Variants in FBXO42 observed in about 807,000 individuals in gnomAD.
The protein encoded by FBXO42 is F-box only protein 42.
A neutral mutation model predicts 71.7 loss-of-function variants in FBXO42; 12 were observed. The observed-to-expected ratio is 0.17, with a 90% CI of 0.11 to 0.27. The LOEUF is 0.27. FBXO42 is among the 10% of genes least tolerant of loss of function. The probability of loss-of-function intolerance (pLI) is 1.00; values close to 1 mark genes in which losing one functional copy is unlikely to be tolerated. For synonymous variants in FBXO42, 325 were observed against 327.5 expected (o/e 0.99, Z 0.08); for missense variants, 707 against 911.9 (o/e 0.78, Z 2.89).
chr1:16,312,633 C>G (rs544232893), intron 2 of FBXO42, among the ~76,000 whole-genome samples: 1 of 152,112 alleles, frequency 6.6e-6, no homozygotes, highest in South Asian at 2.1e-4. Context: ...ATGCACAACA[C>G]CAAGCATGAA....
Position 16,256,624 on chromosome 1 carries a change from TA to T in FBXO42, c.637del (p.Tyr213ThrfsTer12). ...PERFFDEIHTYSPSKNWWNCI... is the reference protein window; with the variant it reads ...PERFFDEIHTXSPSKNWWNCI... ...GACTTACCAATTTTTAGAGGGTGAG[TA>T]AGTGTGTATTTCATCAAAGAATCTC... On this transcript the variant is annotated frameshift_variant, in exon 5 of 10. Transcript: ENST00000375592. LOFTEE classifies it high-confidence loss of function. 6.2e-7 allele frequency: 1 copy of T among 1,614,018 alleles called. No homozygotes were observed. Among genetic ancestry groups the T allele is most frequent in the Non-Finnish European group, 8.5e-7 (1 of 1,179,934 alleles).
chr1:16,257,230 G>A (rs1380994308), intron 4 of FBXO42, among the ~76,000 whole-genome samples: 1 of 152,166 alleles, frequency 6.6e-6, no homozygotes, highest in African/African-American at 2.4e-5. Flanking sequence ...ATGTCTGGAT[G>A]CAACTTAAAA....
intron 2 of FBXO42, among the ~76,000 whole-genome samples, chr1:16,307,367 G>C (rs948430512): frequency 6.6e-6 from 1 of 152,110 alleles, no homozygotes; most frequent in Non-Finnish European, 1.5e-5. Flanking sequence ...CAGGCATGGT[G>C]GTCTGCACTT....
intron 1 of FBXO42, among the ~76,000 whole-genome samples, chr1:16,318,828 C>T (rs1023497597): frequency 3.3e-5 from 5 of 152,008 alleles, no homozygotes; most frequent in East Asian, 1.9e-4. Flanking sequence ...GGAGCAAAGA[C>T]GGCCACTCAG....
intron 4 of FBXO42, among the ~76,000 whole-genome samples, chr1:16,283,645 C>T (rs1206510209): frequency 6.6e-6 from 1 of 151,902 alleles, no homozygotes; most frequent in Non-Finnish European, 1.5e-5. Flanking sequence ...TACAGGCACC[C>T]ACCACCATGC....
rs55983316 is a variant in FBXO42 at position 16,335,063 on chromosome 1, C to CAAAAAA, written c.-18+17186_-18+17191dup. ...GCAACACAGCAAAACCTCGTCTGTA[C>CAAAAAA]AAAAAAAAAAAAAAAAAAAAAAAAA... On this transcript the variant is annotated intron_variant, in intron 1 of 9. Transcript: ENST00000375592. Among the ~76,000 whole-genome samples the CAAAAAA allele has an allele frequency of 9.1e-3, 629 of 69,016 alleles. 68 individuals are homozygous for CAAAAAA. Among genetic ancestry groups the CAAAAAA allele is most frequent in the Non-Finnish European group, 0.013 (511 of 39,264 alleles). The allele number at this position is 69,016 out of a possible 152,430, so 45.3% of individuals were successfully genotyped here.
chr1:16,267,734 T>C (rs2081794338), intron 4 of FBXO42, among the ~76,000 whole-genome samples: 1 of 152,174 alleles, frequency 6.6e-6, no homozygotes, highest in Admixed American at 6.6e-5. Context: ...TAGACAAAAC[T>C]TGTCTGGATC....
chr1:16,285,109 G>A (rs2100510957), intron 4 of FBXO42, among the ~76,000 whole-genome samples: 1 of 151,856 alleles, frequency 6.6e-6, no homozygotes, highest in Admixed American at 6.6e-5. Context: ...TCGCACCCCT[G>A]TACTCCAGCC....
At chr1:16,315,074 T>C (rs2082350814) in intron 2 of FBXO42, 95 bp downstream of exon 2, 3 of 1,340,360 alleles carry the variant, frequency 2.2e-6, no homozygotes, top group Middle Eastern at 2.5e-4. Context: ...ATAACCATAA[T>C]ACATTTAAGG....
chr1:16,259,772 A>C (rs1183877325), intron 4 of FBXO42, among the ~76,000 whole-genome samples: 3 of 151,840 alleles, frequency 2.0e-5, no homozygotes, highest in African/African-American at 4.8e-5. Flanking sequence ...TCTCAAAAAA[A>C]AAAAAAAAGA....
intron 1 of FBXO42, among the ~76,000 whole-genome samples, chr1:16,343,967 C>G (rs1173152666): frequency 2.1e-5 from 3 of 142,560 alleles, no homozygotes; most frequent in Non-Finnish European, 4.5e-5. Flanking sequence ...AAAAAAAAAA[C>G]AACAACAAAA....
chr1:16,273,096 G>A (rs2081862915), intron 4 of FBXO42, among the ~76,000 whole-genome samples: 1 of 152,086 alleles, frequency 6.6e-6, no homozygotes, highest in African/African-American at 2.4e-5. Context: ...ACTGAGTACT[G>A]TATTGTATGT....
At chr1:16,335,936 T>C (rs2082548543) in intron 1 of FBXO42, among the ~76,000 whole-genome samples, 2 of 151,996 alleles carry the variant, frequency 1.3e-5, no homozygotes, top group Admixed American at 6.6e-5. Context: ...TTTTTAAATT[T>C]TGTTTTGTTT....
At position 16,250,341 on chromosome 1, in the gene FBXO42, A is replaced by G. The variant is rs7536390; in HGVS notation, c.*329T>C. The G allele has an allele frequency of 0.35, 54,021 of 152,638 alleles. 10,077 individuals are homozygous for G. The highest frequency in any genetic ancestry group is 0.42 in the African/African-American group (17,530 of 41,402). The allele number at this position is 152,638 out of a possible 1,614,324, so 9.5% of individuals were successfully genotyped here. A position where few individuals can be genotyped will look rare whatever the true frequency, so the allele number is the denominator to read the frequency against. On this transcript the variant is annotated 3_prime_UTR_variant, in exon 10 of 10. Transcript: ENST00000375592. The surrounding 1 kb of genome is among the most constrained non-coding windows in gnomAD (Gnocchi z 4.7). Reference sequence around the variant, plus strand: ...TTTGGGAAGTTACTGATGTTAGTCTATTCTCTAACTTCTTGGTCTAGTTAC... The same window carrying G: ...TTTGGGAAGTTACTGATGTTAGTCTGTTCTCTAACTTCTTGGTCTAGTTAC...
chr1:16,254,114 A>G (rs1166695341), intron 6 of FBXO42, among the ~76,000 whole-genome samples: 1 of 152,108 alleles, frequency 6.6e-6, no homozygotes, highest in Non-Finnish European at 1.5e-5. Context: ...TTCTTCCCCT[A>G]CTTTCCCTAG....
intron 1 of FBXO42, among the ~76,000 whole-genome samples, chr1:16,329,538 C>G (rs1336229318): frequency 2.7e-5 from 4 of 150,018 alleles, no homozygotes; most frequent in African/African-American, 9.8e-5. Context: ...GAGCCAAGAT[C>G]GCACCACTGC....
chr1:16,309,016 T>A, intron 2 of FBXO42, among the ~76,000 whole-genome samples: 1 of 148,622 alleles, frequency 6.7e-6, no homozygotes. Context: ...ATGCTGGGAT[T>A]ACAGGCGTGA....
chr1:16,344,802 T>C (rs1054915825), intron 1 of FBXO42, among the ~76,000 whole-genome samples: 4 of 152,214 alleles, frequency 2.6e-5, no homozygotes, highest in Non-Finnish European at 4.4e-5. Context: ...TTCTGATTTC[T>C]AATAATATTT....
At chr1:16,334,119 CA>C (rs1245193822) in intron 1 of FBXO42, among the ~76,000 whole-genome samples, 1 of 152,058 alleles carries the variant, frequency 6.6e-6, no homozygotes, top group Admixed American at 6.6e-5. Flanking sequence ...ATGGGGAGGA[CA>C]GAAGTGTTCA....
Sources: gnomAD v4.1 joint callset for allele counts (sites outside exome capture counted in the v4.1 genomes callset) on GRCh38, gnomAD v4.1.1 for gene constraint, Gnocchi (gnomAD v3.1) non-coding constraint, MANE v1.5 for transcripts, NCBI Gene and HGNC (gene_info 2026-07-23, HGNC 2026-07-21) for gene names.